The following LOC128462377 variants were observed in gnomAD, a reference collection of about 807,000 sequenced individuals.
the LOC128462377 span, among the ~76,000 whole-genome samples, chr16:89,372,314 C>T: frequency 6.6e-6 from 1 of 152,220 alleles, no homozygotes; most frequent in African/African-American, 2.4e-5. Flanking sequence ...GGCGGCAGCG[C>T]CCAGCGACGG....
chr16:89,413,954 C>T, the LOC128462377 span, among the ~76,000 whole-genome samples: 1 of 152,154 alleles, frequency 6.6e-6, no homozygotes, highest in Non-Finnish European at 1.5e-5. Context: ...GACAGGGACC[C>T]CAGCACAGCA....
At chr16:89,381,696 G>C in the LOC128462377 span, among the ~76,000 whole-genome samples, 1 of 152,222 alleles carries the variant, frequency 6.6e-6, no homozygotes, top group African/African-American at 2.4e-5. Context: ...TCAGGAAACA[G>C]ATGCCCTCTG....
At chr16:89,389,345 A>T in the LOC128462377 span, among the ~76,000 whole-genome samples, 1 of 152,166 alleles carries the variant, frequency 6.6e-6, no homozygotes, top group South Asian at 2.1e-4. Context: ...CTGTAAACCT[A>T]AAATTTTTCA....
the LOC128462377 span, among the ~76,000 whole-genome samples, chr16:89,380,167 C>T: frequency 3.3e-5 from 5 of 152,112 alleles, no homozygotes; most frequent in East Asian, 1.9e-4. Context: ...GGCTGGAGAG[C>T]GATGGCGTGA....
chr16:89,359,643 G>A, the LOC128462377 span, among the ~76,000 whole-genome samples: 10 of 152,280 alleles, frequency 6.6e-5, no homozygotes, highest in Admixed American at 2.0e-4. Context: ...CTTTTACCAC[G>A]AAGGTAGCCG....
the LOC128462377 span, among the ~76,000 whole-genome samples, chr16:89,415,156 G>A: frequency 6.6e-6 from 1 of 151,232 alleles, no homozygotes; most frequent in Non-Finnish European, 1.5e-5. Flanking sequence ...GTCTCGTCAT[G>A]TTACTCAGGC....
At chr16:89,322,284 G>A in the LOC128462377 span, among the ~76,000 whole-genome samples, 15 of 152,362 alleles carry the variant, frequency 9.8e-5, no homozygotes, top group African/African-American at 3.6e-4. Flanking sequence ...GACTCCCAGA[G>A]AGAAAGAGAA....
the LOC128462377 span, among the ~76,000 whole-genome samples, chr16:89,396,682 T>C: frequency 6.6e-6 from 1 of 152,062 alleles, no homozygotes; most frequent in Non-Finnish European, 1.5e-5. Context: ...TAATTGCTAT[T>C]TGTTGTTGTT....
chr16:89,377,064 T>C, the LOC128462377 span, among the ~76,000 whole-genome samples: 1 of 152,234 alleles, frequency 6.6e-6, no homozygotes, highest in African/African-American at 2.4e-5. Context: ...TACCTTGCCT[T>C]GCCAGTAAGG....
At chr16:89,348,929 A>C in the LOC128462377 span, among the ~76,000 whole-genome samples, 1 of 150,772 alleles carries the variant, frequency 6.6e-6, no homozygotes, top group Non-Finnish European at 1.5e-5. Context: ...CGAGTTCAAG[A>C]CCAGCCTCGT....
chr16:89,383,549 A>G, the LOC128462377 span, among the ~76,000 whole-genome samples: 1 of 152,258 alleles, frequency 6.6e-6, no homozygotes, highest in Non-Finnish European at 1.5e-5. Flanking sequence ...AAGAGCCATG[A>G]AGTTCCCATG....
chr16:89,330,932 T>A, the LOC128462377 span, among the ~76,000 whole-genome samples: 243 of 152,304 alleles, frequency 1.6e-3, 3 homozygotes, highest in East Asian at 0.044. Context: ...AAAATTAAAA[T>A]TTTGAAAAAT....
the LOC128462377 span, among the ~76,000 whole-genome samples, chr16:89,393,790 G>A: frequency 6.6e-6 from 1 of 152,268 alleles, no homozygotes; most frequent in East Asian, 1.9e-4. Context: ...GCTCTGCATG[G>A]CATCTCGCAT....
the LOC128462377 span, among the ~76,000 whole-genome samples, chr16:89,362,792 T>C: frequency 6.6e-6 from 1 of 152,292 alleles, no homozygotes; most frequent in East Asian, 1.9e-4. Context: ...TCTTCCTTAG[T>C]TGAAGGTGTT....
the LOC128462377 span, among the ~76,000 whole-genome samples, chr16:89,390,482 C>A: frequency 2.0e-5 from 3 of 152,088 alleles, no homozygotes. Context: ...GAAAAAAATA[C>A]GTGAAGGAAT....
chr16:89,374,559 C>T, the LOC128462377 span, among the ~76,000 whole-genome samples: 3 of 152,190 alleles, frequency 2.0e-5, no homozygotes, highest in Admixed American at 6.5e-5. Context: ...GTGTGAGCTA[C>T]ACTCTGTCCT....
chr16:89,388,407 A>ATAT, the LOC128462377 span, among the ~76,000 whole-genome samples: 47 of 148,430 alleles, frequency 3.2e-4, no homozygotes, highest in Non-Finnish European at 6.5e-4. Flanking sequence ...TGGGATTATA[A>ATAT]GCGTGAGCCA....
chr16:89,411,720 C>G, the LOC128462377 span, among the ~76,000 whole-genome samples: 1 of 152,148 alleles, frequency 6.6e-6, no homozygotes, highest in Non-Finnish European at 1.5e-5. Flanking sequence ...CCACCACTAT[C>G]CCCTTGTTGA....
the LOC128462377 span, chr16:89,361,757 A>G: frequency 6.6e-6 from 1 of 152,254 alleles, no homozygotes; most frequent in Non-Finnish European, 1.5e-5. Flanking sequence ...TACAAAGATA[A>G]ATGTCTCTAA....
Sources: allele counts gnomAD v4.1 joint callset (sites outside exome capture counted in the v4.1 genomes callset), GRCh38; gene constraint gnomAD v4.1.1; transcripts MANE v1.5.